PARP4: variants seen among roughly 807,000 people sequenced by gnomAD.
The protein encoded by PARP4 is protein mono-ADP-ribosyltransferase PARP4.
PARP4 carries 120 observed loss-of-function variants against 187.7 expected under a neutral mutation model. The ratio of observed to expected loss-of-function variants is 0.64; its 90% confidence interval spans 0.55 to 0.74. The LOEUF (loss-of-function observed/expected upper bound fraction) is 0.74, where lower values mean the gene tolerates loss of function less well. PARP4 is among the 30% of genes least tolerant of loss of function. The pLI is 0.00. For missense variants in PARP4, 1,836 were observed against 2,070.5 expected (o/e 0.89, Z 2.20); for synonymous variants, 654 against 740.9 (o/e 0.88, Z 1.90).
intron 32 of PARP4, 143 bp from the exon 33 acceptor site, chr13:24,426,741 A>C: frequency 1.4e-6 from 1 of 736,906 alleles, no homozygotes; most frequent in Non-Finnish European, 2.2e-6. Context: ...AAAAAATACA[A>C]AAAATTAGCC....
intron 1 of PARP4, among the ~76,000 whole-genome samples, chr13:24,505,000 CCG>C (rs1869534898): frequency 7.1e-6 from 1 of 140,580 alleles, no homozygotes; most frequent in East Asian, 2.1e-4. Flanking sequence ...TGGCACACCC[CCG>C]CTTTTTTTTT....
intron 31 of PARP4, among the ~76,000 whole-genome samples, chr13:24,431,766 T>C (rs1970483): frequency 0.94 from 142,730 of 152,318 alleles, 67,014 homozygotes; most frequent in East Asian, 0.99. Context: ...AACATTTTTA[T>C]TACTGTAAAA....
intron 6 of PARP4, among the ~76,000 whole-genome samples, chr13:24,495,150 C>G (rs761194194): frequency 6.6e-6 from 1 of 152,136 alleles, no homozygotes; most frequent in Admixed American, 6.5e-5. Context: ...GGATTACAGG[C>G]GTAAGCCACC....
rs773228406 is a variant in PARP4, at chr13:24,434,557, T to G, written c.4584A>C (p.Leu1528=). The G allele has an allele frequency of 5.0e-6, 8 of 1,613,512 alleles. No individual in the cohort carries two copies. In the South Asian group the frequency reaches 7.7e-5, roughly 16 times the overall value. The stretch of plus-strand genomic sequence containing the variant: ...AGCAGCTGTCTTGAAGTACTTCTGA[T>G]AGCTCATCACTTTCTGTGTCAGAAC... ...FQSSDTESDE[L]SEVLQDSCFL... The change falls in exon 31 of 34, where the codon CTA becomes CTC. Residue 1528 remains leucine (L), a synonymous_variant. Transcript: ENST00000381989.
chr13:24,462,442 C>T (rs1872255761), intron 17 of PARP4, among the ~76,000 whole-genome samples: 1 of 152,200 alleles, frequency 6.6e-6, no homozygotes, highest in Admixed American at 6.5e-5. Context: ...ACAGGAGTTG[C>T]CACTTCTGGG....
chr13:24,491,338 T>A (rs1868636235), intron 9 of PARP4, among the ~76,000 whole-genome samples: 1 of 152,170 alleles, frequency 6.6e-6, no homozygotes, highest in Non-Finnish European at 1.5e-5. Context: ...GCCAGGCTGG[T>A]CTCAAACTCC....
chr13:24,435,453 A>G lies in PARP4; in HGVS notation c.3688T>C (p.Trp1230Arg). Residue 1230 changes from tryptophan (W) to arginine (R), a missense_variant, in exon 31 of 34, where the codon TGG becomes CGG. Around this residue, in one of 8 missense-constraint regions of PARP4, gnomAD observed 450 missense variants for 439.2 expected, o/e 1.02. Coordinates refer to ENST00000381989, the MANE Select transcript of PARP4 (RefSeq NM_006437.4). ...CGTTTGGATAAACGTAATTCTGGCCACTCAGAGGATGCTAAAAGAGACTGC... is the reference window on the plus strand; with the variant it reads ...CGTTTGGATAAACGTAATTCTGGCCGCTCAGAGGATGCTAAAAGAGACTGC... ...RNQSLLASSE[W>R]PELRLSKRKH... The G allele has an allele frequency of 6.2e-7, 1 of 1,600,594 alleles. No individual in the cohort carries two copies. The highest frequency in any genetic ancestry group is 8.5e-7 in the Non-Finnish European group (1 of 1,176,360).
At chr13:24,441,644 C>T (rs1870930840) in intron 30 of PARP4, among the ~76,000 whole-genome samples, 1 of 152,244 alleles carries the variant, frequency 6.6e-6, no homozygotes. Context: ...TTGTACTATA[C>T]AGCTCCATTC....
At chr13:24,421,538 C>T (rs542503819) in intron 33 of PARP4, among the ~76,000 whole-genome samples, 8 of 152,388 alleles carry the variant, frequency 5.2e-5, no homozygotes, top group South Asian at 2.1e-4. Context: ...CTGGCTTCCA[C>T]GTGCCTCCAG....
At chr13:24,462,841 C>G (rs1872275396) in intron 17 of PARP4, among the ~76,000 whole-genome samples, 1 of 150,880 alleles carries the variant, frequency 6.6e-6, no homozygotes, top group Non-Finnish European at 1.5e-5. Flanking sequence ...TAGAAATTAT[C>G]CAAAATAAAA....
chr13:24,483,493 A>AG lies in PARP4; in HGVS notation c.1448+1159_1448+1160insC, dbSNP rs148437737. ...GGGCGACAGAGCGAGACTCCGTCTCAAAAAAAAAAAAAAAAAGTTTTTTTT... is the reference window on the plus strand; with the variant it reads ...GGGCGACAGAGCGAGACTCCGTCTCAGAAAAAAAAAAAAAAAAGTTTTTTTT... On this transcript the variant is annotated intron_variant, in intron 12 of 33. Coordinates refer to ENST00000381989, the MANE Select transcript of PARP4 (RefSeq NM_006437.4). 2.4e-4 allele frequency among the ~76,000 whole-genome samples: 7 copies of AG among 29,606 alleles called. No homozygotes were observed. The East Asian group carries it at 5.1e-3, about 21-fold the overall frequency. The allele number at this position is 29,606 out of a possible 152,430, so 19.4% of individuals were successfully genotyped here.
intron 11 of PARP4, among the ~76,000 whole-genome samples, chr13:24,485,881 G>A (rs545685847): frequency 4.6e-5 from 7 of 152,234 alleles, no homozygotes; most frequent in African/African-American, 1.7e-4. Flanking sequence ...ATAAGGTCTT[G>A]CTAGGTTTTC....
intron 18 of PARP4, chr13:24,459,529 GTA>G (rs1872076710): frequency 2.6e-5 from 8 of 310,640 alleles, no homozygotes; most frequent in African/African-American, 1.4e-4. Flanking sequence ...ATGTCTGTGT[GTA>G]TACACACACA....
chr13:24,445,636 T>C (rs1262436329), intron 27 of PARP4, among the ~76,000 whole-genome samples: 2 of 152,254 alleles, frequency 1.3e-5, no homozygotes, highest in African/African-American at 2.4e-5. Context: ...CCTCTTCATC[T>C]GGCTGTTCAT....
intron 25 of PARP4, among the ~76,000 whole-genome samples, chr13:24,448,152 G>A (rs564051932): frequency 6.6e-6 from 1 of 152,292 alleles, no homozygotes; most frequent in African/African-American, 2.4e-5. Flanking sequence ...CAGGGCTGCA[G>A]TGAGCCAAGC....
intron 15 of PARP4, among the ~76,000 whole-genome samples, chr13:24,474,162 C>T (rs1175973204): frequency 2.0e-5 from 3 of 152,194 alleles, no homozygotes; most frequent in South Asian, 4.1e-4. Flanking sequence ...AAACACTCTG[C>T]TGTCTTCCTG....
At chr13:24,480,071 T>C (rs1593633706) in intron 12 of PARP4, among the ~76,000 whole-genome samples, 2 of 148,992 alleles carry the variant, frequency 1.3e-5, no homozygotes, top group African/African-American at 2.6e-5. Flanking sequence ...CATCTGAACA[T>C]CAGAAGGAAC....
chr13:24,471,172 T>A (rs541008848), intron 15 of PARP4, among the ~76,000 whole-genome samples: 28 of 152,362 alleles, frequency 1.8e-4, no homozygotes, highest in African/African-American at 6.5e-4. Context: ...CTCCTTCTCA[T>A]CCTGTCTTGG....
intron 20 of PARP4, among the ~76,000 whole-genome samples, chr13:24,457,946 G>C (rs1405080796): frequency 6.6e-6 from 1 of 151,962 alleles, no homozygotes. Flanking sequence ...CAGAGATAAA[G>C]AGAAGGTCTG....
Sources: allele counts gnomAD v4.1 joint callset (sites outside exome capture counted in the v4.1 genomes callset), GRCh38; gene constraint gnomAD v4.1.1; regional missense constraint gnomAD v4.1.1; transcripts MANE v1.5; gene names NCBI Gene and HGNC (gene_info 2026-07-23, HGNC 2026-07-21).